Variants in GDPD1 observed in about 807,000 individuals in gnomAD.
The protein encoded by GDPD1 is lysophospholipase D GDPD1.
A neutral mutation model predicts 45.1 loss-of-function variants in GDPD1; 28 were observed. The ratio of observed to expected loss-of-function variants is 0.62; its 90% CI spans 0.46 to 0.85. GDPD1 has a LOEUF of 0.85. GDPD1 is among the 40% of genes least tolerant of loss of function. The probability of loss-of-function intolerance (pLI) is 0.00; values close to 1 mark genes in which losing one functional copy is unlikely to be tolerated. For missense variants in GDPD1, 256 were observed against 364.8 expected, an observed-to-expected ratio of 0.70 and a Z score of 2.43; for synonymous variants, 139 against 131.4, an observed-to-expected ratio of 1.06 and a Z score of -0.40.
intron 1 of GDPD1, among the ~76,000 whole-genome samples, chr17:59,229,569 C>G (rs533508487): frequency 1.3e-5 from 2 of 151,858 alleles, no homozygotes; most frequent in East Asian, 3.9e-4. Flanking sequence ...ACCATGTTGG[C>G]TAGGTGGGTC....
intron 1 of GDPD1, among the ~76,000 whole-genome samples, chr17:59,230,400 T>TTTA (rs2047080043): frequency 1.4e-5 from 2 of 138,914 alleles, no homozygotes; most frequent in African/African-American, 2.7e-5. Flanking sequence ...TTTTTTTTTT[T>TTTA]AGATGGAGTT....
rs2047471514 is a variant in GDPD1, at chr17:59,274,973, C to T, written c.*1200C>T. 2 of 521,808 alleles carry T rather than the reference C, an allele frequency of 3.8e-6. No individual in the cohort carries two copies. The highest frequency in any genetic ancestry group is 3.1e-5 in the Admixed American group (1 of 32,662). The allele number at this position is 521,808 out of a possible 1,614,324, so 32.3% of individuals were successfully genotyped here. On this transcript the variant is annotated 3_prime_UTR_variant, in exon 10 of 10. Coordinates refer to ENST00000284116, the MANE Select transcript of GDPD1 (RefSeq NM_182569.4). Reference sequence around the variant, plus strand: ...TCTCCTGCCTCTGCCTCCCGAGTACCTGGGATTACAGGTGCCTGCTACCAT... The same window carrying T: ...TCTCCTGCCTCTGCCTCCCGAGTACTTGGGATTACAGGTGCCTGCTACCAT...
rs528937413 is a variant in GDPD1 at position 59,224,712 on chromosome 17, T to G, written c.142+3961T>G. 1.4e-4 allele frequency among the ~76,000 whole-genome samples: 22 copies of G among 151,970 alleles called. No homozygotes were observed. The East Asian group carries it at 4.2e-3, about 29-fold the overall frequency. ...TGGTGCCTACCTGTAGTCTCGGCTA[T>G]TTGAGAGGCTGAGGCAGGAGGATCA... On this transcript the variant is annotated intron_variant, in intron 1 of 9. Transcript: ENST00000284116.
At chr17:59,236,916 G>A (rs1764177922) in intron 2 of GDPD1, among the ~76,000 whole-genome samples, 1 of 152,074 alleles carries the variant, frequency 6.6e-6, no homozygotes, top group South Asian at 2.1e-4. Flanking sequence ...GTTTTTCGTT[G>A]TTAGTGGTGG....
In GDPD1 at chr17:59,257,142, GAT is replaced by G. The variant is rs767760270; in HGVS notation, c.390_391del (p.Asp130GlufsTer11). ...CTCAGCATGCCAGTGTGAAGGAAAA[GAT>G]AACCGAATTCCATTACTGAAGGAAG... ...FQRACQCEGK[D>X]NRIPLLKEVF... On this transcript the variant is annotated frameshift_variant, in exon 5 of 10. Coordinates refer to ENST00000284116, the MANE Select transcript of GDPD1 (RefSeq NM_182569.4). LOFTEE classifies it high-confidence loss of function. 1.9e-6 allele frequency: 3 copies of G among 1,595,534 alleles called. No homozygotes were observed. Among genetic ancestry groups the G allele is most frequent in the Non-Finnish European group, 2.6e-6 (3 of 1,169,226 alleles).
At chr17:59,246,559 A>T (rs965769225) in intron 3 of GDPD1, among the ~76,000 whole-genome samples, 2 of 151,606 alleles carry the variant, frequency 1.3e-5, no homozygotes, top group South Asian at 4.2e-4. Context: ...AAATAGAAAA[A>T]TTAGCCGGGC....
intron 6 of GDPD1, among the ~76,000 whole-genome samples, chr17:59,261,408 C>A (rs1315773064): frequency 6.6e-6 from 1 of 152,070 alleles, no homozygotes; most frequent in Admixed American, 6.6e-5. Flanking sequence ...TAACTCCCAG[C>A]AATCTTAGGC....
At position 59,220,748 on chromosome 17, in the gene GDPD1, G is replaced by T; in HGVS notation, c.139G>T (p.Gly47Ter). The change falls in exon 1 of 10, where the codon GGA becomes TGA. Residue 47 changes from glycine to a stop codon, truncating the protein, a stop_gained. Transcript: ENST00000284116. LOFTEE classifies it high-confidence loss of function. ...CCTCAGTAAACACATCTCTCACCGC[G>T]GAGGTGAGAGGGGTCCCCAGAACCC... Reference protein sequence around the residue: ...RFLSKHISHRGGAGENLENTM... With the variant: ...RFLSKHISHR The T allele has an allele frequency of 1.2e-6, 2 of 1,612,706 alleles. No individual in the cohort carries two copies. Among genetic ancestry groups the T allele is most frequent in the Non-Finnish European group, 8.5e-7 (1 of 1,179,816 alleles).
At chr17:59,236,021 A>G (rs1036789508) in intron 2 of GDPD1, among the ~76,000 whole-genome samples, 5 of 152,138 alleles carry the variant, frequency 3.3e-5, no homozygotes, top group Non-Finnish European at 5.9e-5. Flanking sequence ...CCCCTGAGGT[A>G]GGTCATACAT....
At position 59,257,112 on chromosome 17, in the gene GDPD1, G is replaced by C. The variant is rs773213582; in HGVS notation, c.368-10G>C. On this transcript the variant is annotated splice_polypyrimidine_tract_variant and intron_variant, in intron 4 of 9. Transcript: ENST00000284116. ...TTTAAAAAATACATTTAAAAATCTTGCTTTCTCAGCATGCCAGTGTGAAGG... is the reference window on the plus strand; with the variant it reads ...TTTAAAAAATACATTTAAAAATCTTCCTTTCTCAGCATGCCAGTGTGAAGG... The C allele has an allele frequency of 7.3e-7, 1 of 1,377,594 alleles. No individual in the cohort carries two copies. Among genetic ancestry groups the C allele is most frequent in the Non-Finnish European group, 1.0e-6 (1 of 988,974 alleles). 85.3% of individuals were successfully genotyped at this position (1,377,594 alleles called of 1,614,324 possible). A position where few individuals can be genotyped will look rare whatever the true frequency, so the allele number is the denominator to read the frequency against.
Position 59,274,017 on chromosome 17 carries a change from A to T in GDPD1, c.*244A>T. On this transcript the variant is annotated 3_prime_UTR_variant, in exon 10 of 10. Transcript: ENST00000284116. ...TAATTGGTTATGAGATGTAAGTTTT[A>T]ATTTCTTAATGTGCATTTTTGTTTC... The T allele has an allele frequency of 1.4e-6, 1 of 732,450 alleles. No homozygotes were observed. Among genetic ancestry groups the T allele is most frequent in the Non-Finnish European group, 1.7e-6 (1 of 597,762 alleles). The allele number at this position is 732,450 out of a possible 1,614,324, so 45.4% of individuals were successfully genotyped here. A position where few individuals can be genotyped will look rare whatever the true frequency, so the allele number is the denominator to read the frequency against.
intron 5 of GDPD1, 110 bp from the exon 6 acceptor site, chr17:59,257,641 G>A (rs565914568): frequency 1.0e-5 from 7 of 681,020 alleles, no homozygotes; most frequent in South Asian, 7.2e-5. Flanking sequence ...TCTTCCAAAA[G>A]TTATGCTATT....
At chr17:59,234,388 A>C (rs371765869) in intron 1 of GDPD1, 104 bp from the exon 2 acceptor site, 12,765 of 303,782 alleles carry the variant, frequency 0.042, 71 homozygotes, top group South Asian at 0.14. Flanking sequence ...GTCTACCCCC[A>C]AAAAAAAAAA....
chr17:59,269,475 ACC>A (rs201819855), intron 7 of GDPD1, among the ~76,000 whole-genome samples: 3,540 of 120,016 alleles, frequency 0.029, 150 homozygotes, highest in African/African-American at 0.096. Context: ...CTTCTTGTCT[ACC>A]CCCCCCCCCA....
intron 1 of GDPD1, among the ~76,000 whole-genome samples, chr17:59,229,937 G>A (rs2047076357): frequency 6.6e-6 from 1 of 152,100 alleles, no homozygotes; most frequent in Non-Finnish European, 1.5e-5. Context: ...ATGGTGCCAA[G>A]ACCTATATGC....
chr17:59,254,375 A>G lies in GDPD1; in HGVS notation c.368-2747A>G, dbSNP rs111730462. 3.6e-4 allele frequency among the ~76,000 whole-genome samples: 53 copies of G among 148,152 alleles called. 1 individual carries two copies. Among genetic ancestry groups the G allele is most frequent in the Non-Finnish European group, 3.6e-4 (24 of 67,336 alleles). On this transcript the variant is annotated intron_variant, in intron 4 of 9. Transcript: ENST00000284116. Reference sequence around the variant, plus strand: ...GACTCCGTCTCAAAAAAAAAAAAAAAAAAAGAAAAGCCAAGCGTGGTGGCA... The same window carrying G: ...GACTCCGTCTCAAAAAAAAAAAAAAGAAAAGAAAAGCCAAGCGTGGTGGCA...
At chr17:59,245,773 C>T (rs2047206022) in intron 3 of GDPD1, among the ~76,000 whole-genome samples, 1 of 151,956 alleles carries the variant, frequency 6.6e-6, no homozygotes, top group African/African-American at 2.4e-5. Context: ...TTGTTTGAGG[C>T]CAGGAGTTTG....
chr17:59,234,023 C>G (rs948121881), intron 1 of GDPD1, among the ~76,000 whole-genome samples: 4 of 151,992 alleles, frequency 2.6e-5, no homozygotes, highest in African/African-American at 9.7e-5. Flanking sequence ...AGTCAGAAAT[C>G]CAAAACACTT....
chr17:59,273,687 A>G lies in GDPD1; in HGVS notation c.859A>G (p.Lys287Glu). 1 of 1,576,372 alleles carries G rather than the reference A, an allele frequency of 6.3e-7. No individual in the cohort carries two copies. The highest frequency in any genetic ancestry group is 8.7e-7 in the Non-Finnish European group (1 of 1,150,532). Residue 287 changes from lysine (K) to glutamate (E), a missense_variant, in exon 10 of 10, where the codon AAA becomes GAA. Transcript: ENST00000284116. ...GGTATTAAATGAAGAACAAGAATAC[A>G]AAAGAGCTTTTGATTTGGGAGCAAC... ...IWVLNEEQEY[K>E]RAFDLGATGV...
Sources: gnomAD v4.1 joint callset for allele counts (sites outside exome capture counted in the v4.1 genomes callset) on GRCh38, gnomAD v4.1.1 for gene constraint, MANE v1.5 for transcripts, NCBI Gene and HGNC (gene_info 2026-07-23, HGNC 2026-07-21) for gene names.